Variants in LIPH observed in about 807,000 individuals in gnomAD.
The protein encoded by LIPH is lipase H.
Under a neutral mutation model 47.6 loss-of-function variants are expected in LIPH, and 32 were observed. The observed-to-expected ratio is 0.67, with a 90% CI of 0.51 to 0.90. The LOEUF (loss-of-function observed/expected upper bound fraction) is 0.90. LIPH is among the 40% of genes least tolerant of loss of function. The probability of loss-of-function intolerance (pLI) is 0.00; values close to 1 mark genes in which losing one functional copy is unlikely to be tolerated. For missense variants in LIPH, 497 were observed against 541.4 expected (o/e 0.92, Z 0.81); for synonymous variants, 190 against 195.6 (o/e 0.97, Z 0.24).
At chr3:185,524,231 G>T in intron 4 of LIPH, 71 bp from the exon 5 acceptor site, 1 of 846,550 alleles carries the variant, frequency 1.2e-6, no homozygotes, top group East Asian at 2.5e-5. Context: ...TTGCCTGCCA[G>T]GTATAAGCAG....
intron 3 of LIPH, among the ~76,000 whole-genome samples, chr3:185,532,398 G>C (rs1720357700): frequency 1.3e-5 from 2 of 152,030 alleles, no homozygotes; most frequent in Middle Eastern, 3.4e-3. Context: ...TGTAGTCCCA[G>C]CTACTTGAGA....
rs546165349 is a variant in LIPH at position 185,522,730 on chromosome 3, C to G, written c.718+1341G>C. Among the ~76,000 whole-genome samples the G allele has an allele frequency of 2.0e-5, 3 of 151,782 alleles. No individual in the cohort carries two copies. The South Asian group carries it at 6.2e-4, about 32-fold the overall frequency. ...GGCCGTCATATTCTGTCAGTCAGCT[C>G]ACTTTTATGTTGCCCTCTAACTCCC... is the stretch of plus-strand genomic sequence containing the variant. On this transcript the variant is annotated intron_variant, in intron 5 of 9. Transcript: ENST00000296252.
At chr3:185,518,004 G>C (rs907314764) in intron 6 of LIPH, among the ~76,000 whole-genome samples, 1 of 152,118 alleles carries the variant, frequency 6.6e-6, no homozygotes, top group Non-Finnish European at 1.5e-5. Context: ...TGGAGTGAGG[G>C]CATTTACATA....
At chr3:185,518,227 T>C (rs934352512) in intron 6 of LIPH, among the ~76,000 whole-genome samples, 1 of 152,216 alleles carries the variant, frequency 6.6e-6, no homozygotes, top group African/African-American at 2.4e-5. Context: ...CTGTACTGCC[T>C]TCTGGATGGA....
At chr3:185,550,333 C>T (rs917271642) in intron 1 of LIPH, among the ~76,000 whole-genome samples, 14 of 152,126 alleles carry the variant, frequency 9.2e-5, no homozygotes, top group African/African-American at 3.1e-4. Context: ...GTGTCTCTGT[C>T]TGCTGAGATT....
chr3:185,531,126 G>T (rs1720317734), intron 3 of LIPH, among the ~76,000 whole-genome samples: 1 of 152,190 alleles, frequency 6.6e-6, no homozygotes, highest in African/African-American at 2.4e-5. Context: ...TACTACGTGT[G>T]AGCGGATAGA....
intron 5 of LIPH, among the ~76,000 whole-genome samples, chr3:185,522,734 T>C (rs1011328561): frequency 7.9e-5 from 12 of 151,956 alleles, no homozygotes; most frequent in African/African-American, 2.7e-4. Flanking sequence ...TCAGCTCACT[T>C]TTATGTTGCC....
intron 1 of LIPH, among the ~76,000 whole-genome samples, chr3:185,541,362 A>G (rs1045870974): frequency 2.7e-5 from 4 of 148,828 alleles, no homozygotes; most frequent in African/African-American, 1.0e-4. Flanking sequence ...TGTCAAATAC[A>G]GTCGATTCTC....
At chr3:185,549,442 T>G (rs562629444) in intron 1 of LIPH, among the ~76,000 whole-genome samples, 5 of 152,224 alleles carry the variant, frequency 3.3e-5, no homozygotes, top group Non-Finnish European at 7.3e-5. Context: ...AGGAAATAAT[T>G]CTGGTTTTGG....
intron 1 of LIPH, among the ~76,000 whole-genome samples, chr3:185,549,925 G>A (rs919191379): frequency 6.6e-6 from 1 of 152,170 alleles, no homozygotes; most frequent in Middle Eastern, 3.2e-3. Context: ...TGGATTTTTG[G>A]AGGTGGAGTC....
chr3:185,512,639 C>T (rs1719605893), intron 8 of LIPH, among the ~76,000 whole-genome samples: 1 of 151,818 alleles, frequency 6.6e-6, no homozygotes, highest in Non-Finnish European at 1.5e-5. Flanking sequence ...CAGGCACCTG[C>T]CACCCCTCCT....
At chr3:185,539,161 G>T (rs986995943) in intron 1 of LIPH, among the ~76,000 whole-genome samples, 1 of 151,610 alleles carries the variant, frequency 6.6e-6, no homozygotes, top group African/African-American at 2.4e-5. Flanking sequence ...TAGAGACGGG[G>T]TTTCACCATG....
chr3:185,544,919 C>T (rs891247566), intron 1 of LIPH, among the ~76,000 whole-genome samples: 5 of 144,600 alleles, frequency 3.5e-5, no homozygotes, highest in African/African-American at 1.3e-4. Flanking sequence ...TGCAAGCCAC[C>T]ACACCCGGCC....
chr3:185,546,018 T>C (rs549268278), intron 1 of LIPH, among the ~76,000 whole-genome samples: 47 of 150,940 alleles, frequency 3.1e-4, no homozygotes, highest in African/African-American at 7.5e-4. Context: ...AAAAAAAAAT[T>C]AGCTGGGTGT....
At chr3:185,535,469 G>T (rs1206490940) in intron 1 of LIPH, among the ~76,000 whole-genome samples, 2 of 152,016 alleles carry the variant, frequency 1.3e-5, no homozygotes, top group African/African-American at 4.8e-5. Context: ...ATAGAGATGG[G>T]TTTTCACCAT....
chr3:185,528,110 G>A (rs543469942), intron 3 of LIPH, among the ~76,000 whole-genome samples: 6 of 151,774 alleles, frequency 4.0e-5, no homozygotes, highest in Admixed American at 2.6e-4. Flanking sequence ...TGTAGTCCTA[G>A]CTACTCGGGA....
At chr3:185,538,354 A>C (rs573946155) in intron 1 of LIPH, among the ~76,000 whole-genome samples, 13 of 152,244 alleles carry the variant, frequency 8.5e-5, no homozygotes, top group Non-Finnish European at 1.6e-4. Flanking sequence ...AATAATGCAC[A>C]CAAATAAGTA....
In LIPH at chr3:185,534,895, A is replaced by G. The variant is rs757899554; in HGVS notation, c.287T>C (p.Leu96Pro). The G allele has an allele frequency of 5.6e-6, 9 of 1,614,066 alleles. No homozygotes were observed. The highest frequency in any genetic ancestry group is 3.3e-5 in the Admixed American group (2 of 59,990). The change falls in exon 2 of 10, where the codon CTC becomes CCC. Residue 96 changes from leucine (L) to proline (P), a missense_variant. Physicochemically the swap from Leu to Pro is moderately conservative, Grantham distance 98. Coordinates refer to ENST00000296252, the MANE Select transcript of LIPH (RefSeq NM_139248.3). ...VWMDDLVKGLLSVEDMNVVVV... is the reference protein window; with the variant it reads ...VWMDDLVKGLPSVEDMNVVVV... ...AACTACGTTCATGTCTTCAACAGAG[A>G]GCAAACCCTTTACTAAGTCATCCAT... is the stretch of plus-strand genomic sequence containing the variant.
chr3:185,550,907 C>A (rs1025782986), intron 1 of LIPH, among the ~76,000 whole-genome samples: 1 of 151,942 alleles, frequency 6.6e-6, no homozygotes, highest in Admixed American at 6.6e-5. Flanking sequence ...GATAATAGGC[C>A]GGGCGCGGTG....
Sources: gnomAD v4.1 joint callset for allele counts (sites outside exome capture counted in the v4.1 genomes callset) on GRCh38, gnomAD v4.1.1 for gene constraint, MANE v1.5 for transcripts, NCBI Gene and HGNC (gene_info 2026-07-23, HGNC 2026-07-21) for gene names.